CADM2: variants seen among roughly 807,000 people sequenced by gnomAD.
The protein encoded by CADM2 is cell adhesion molecule 2, also known as immunoglobulin superfamily member 4D.
CADM2 carries 12 observed loss-of-function variants against 49.8 expected under a neutral mutation model. That is an observed-to-expected ratio of 0.24 (90% CI 0.15 to 0.39). The LOEUF (loss-of-function observed/expected upper bound fraction) is 0.39, where lower values mean the gene tolerates loss of function less well. Ranked by LOEUF, CADM2 falls within the 10% of genes least tolerant of loss-of-function variation. The probability of loss-of-function intolerance (pLI) is 1.00; values close to 1 mark genes in which losing one functional copy is unlikely to be tolerated. For missense variants in CADM2, 378 were observed against 492.3 expected, an observed-to-expected ratio of 0.77 and a Z score of 2.20; for synonymous variants, 214 against 175.4, an observed-to-expected ratio of 1.22 and a Z score of -1.74.
chr3:85,929,792 G>A (rs1002237462), intron 6 of CADM2, among the ~76,000 whole-genome samples: 7 of 151,964 alleles, frequency 4.6e-5, no homozygotes, highest in South Asian at 2.1e-4. Flanking sequence ...AGTTCTAAAC[G>A]CATTTACAAG....
rs537841657 is a variant in CADM2, at chr3:85,000,760, C to CGTGTGCATGTGTATATGT, written c.61+41109_61+41126dup. On this transcript the variant is annotated intron_variant, in intron 1 of 9. Transcript: ENST00000383699. ...ACATACATTTTTGTATGTATGTGTT[C>CGTGTGCATGTGTATATGT]GTGTGCATGTGTATATGTGTGTGCA... 6.2e-3 allele frequency among the ~76,000 whole-genome samples: 932 copies of CGTGTGCATGTGTATATGT among 151,266 alleles called. 13 individuals are homozygous for CGTGTGCATGTGTATATGT. The highest frequency in any genetic ancestry group is 0.022 in the African/African-American group (891 of 41,152).
rs965941180 is a variant in CADM2, at chr3:85,316,104, CAA to C, written c.61+356437_61+356438del. Among the ~76,000 whole-genome samples, 11 of 152,036 alleles carry C rather than the reference CAA, an allele frequency of 7.2e-5. No individual in the cohort carries two copies. The East Asian group carries it at 9.6e-4, about 13-fold the overall frequency. Reference sequence around the variant, plus strand: ...ATTTTAAAGTTCATTTGAAATAAAACAAGAGCAAAATAACATGAATCATATTT... The same window carrying C: ...ATTTTAAAGTTCATTTGAAATAAAACGAGCAAAATAACATGAATCATATTT... On this transcript the variant is annotated intron_variant, in intron 1 of 9. Transcript: ENST00000383699.
chr3:85,741,963 T>C (rs1185109051), intron 2 of CADM2, among the ~76,000 whole-genome samples: 1 of 152,188 alleles, frequency 6.6e-6, no homozygotes, highest in Non-Finnish European at 1.5e-5. Flanking sequence ...TTTACTTCTT[T>C]AGAACTTCTA....
In CADM2 at chr3:85,377,394, C is replaced by T. The variant is rs560143584; in HGVS notation, c.62-349128C>T. 2.1e-4 allele frequency among the ~76,000 whole-genome samples: 32 copies of T among 152,098 alleles called. 1 individual carries two copies. The highest frequency in any genetic ancestry group is 2.0e-3 in the Admixed American group (31 of 15,234). ...TGGCTTTTATCTTTCACCTTGCCAA[C>T]GGAAGTTGATGAGCTTTCTGATTTA... On this transcript the variant is annotated intron_variant, in intron 1 of 9. Coordinates refer to ENST00000383699, the MANE Select transcript of CADM2 (RefSeq NM_001167675.2).
At chr3:85,880,566 G>T (rs1712602110) in intron 3 of CADM2, among the ~76,000 whole-genome samples, 1 of 152,080 alleles carries the variant, frequency 6.6e-6, no homozygotes, top group Non-Finnish European at 1.5e-5. Flanking sequence ...AGTTTTACTG[G>T]TTAAGAAATC....
intron 1 of CADM2, among the ~76,000 whole-genome samples, chr3:85,556,339 T>A (rs940801798): frequency 2.0e-5 from 3 of 152,068 alleles, no homozygotes; most frequent in Non-Finnish European, 4.4e-5. Context: ...GAAGAGGAGG[T>A]AGTCTTGCTG....
intron 8 of CADM2, among the ~76,000 whole-genome samples, chr3:86,047,672 A>T (rs1475812606): frequency 6.6e-6 from 1 of 152,220 alleles, no homozygotes; most frequent in East Asian, 1.9e-4. Context: ...TTTTTCATTC[A>T]TGCTGCTCCA....
rs377312545 is a variant in CADM2 at position 85,580,490 on chromosome 3, G to C, written c.62-146032G>C. On this transcript the variant is annotated intron_variant, in intron 1 of 9. Coordinates refer to ENST00000383699, the MANE Select transcript of CADM2 (RefSeq NM_001167675.2). ...AGAACTAACCCAACGGTATTGGAATGAAAGGGTGATGCGGGTGGTAAAGGT... is the reference window on the plus strand; with the variant it reads ...AGAACTAACCCAACGGTATTGGAATCAAAGGGTGATGCGGGTGGTAAAGGT... Among the ~76,000 whole-genome samples the C allele has an allele frequency of 4.6e-5, 7 of 152,138 alleles. No homozygotes were observed. The East Asian group carries it at 1.4e-3, about 29-fold the overall frequency.
Position 86,068,382 on chromosome 3 carries a change from G to T in CADM2, c.*1599G>T, listed in dbSNP as rs1343918629. 6.6e-6 allele frequency: 1 copy of T among 151,848 alleles called. No homozygotes were observed. The highest frequency in any genetic ancestry group is 1.5e-5 in the Non-Finnish European group (1 of 67,838). The allele number at this position is 151,848 out of a possible 1,614,324, so 9.4% of individuals were successfully genotyped here. A position where few individuals can be genotyped will look rare whatever the true frequency, so the allele number is the denominator to read the frequency against. ...ATGCTAAAGAATAAAACTCCAGTTA[G>T]ATTTAAAAAAATCCCATTTACAAGC... On this transcript the variant is annotated 3_prime_UTR_variant, in exon 10 of 10. Coordinates refer to ENST00000383699, the MANE Select transcript of CADM2 (RefSeq NM_001167675.2).
chr3:85,545,228 T>A (rs1384732685), intron 1 of CADM2, among the ~76,000 whole-genome samples: 16 of 152,188 alleles, frequency 1.1e-4, no homozygotes, highest in Admixed American at 1.0e-3. Flanking sequence ...CAGGAAACAT[T>A]AATTAAACAA....
intron 5 of CADM2, among the ~76,000 whole-genome samples, chr3:85,898,043 A>C (rs1381673284): frequency 6.6e-6 from 1 of 152,184 alleles, no homozygotes; most frequent in Non-Finnish European, 1.5e-5. Context: ...GAGAAAAAAA[A>C]ATTAATAGCA....
intron 1 of CADM2, among the ~76,000 whole-genome samples, chr3:84,996,367 A>G (rs1172485939): frequency 1.3e-5 from 2 of 152,128 alleles, no homozygotes; most frequent in Non-Finnish European, 2.9e-5. Flanking sequence ...CTCATAATCT[A>G]TGCTTCATTC....
intron 3 of CADM2, among the ~76,000 whole-genome samples, chr3:85,850,284 A>AACT (rs1473513860): frequency 6.7e-6 from 1 of 150,094 alleles, no homozygotes; most frequent in East Asian, 2.0e-4. Flanking sequence ...GTGGCTACCT[A>AACT]ACTGCTCTCT....
intron 1 of CADM2, among the ~76,000 whole-genome samples, chr3:85,298,184 A>G (rs947749524): frequency 6.6e-6 from 1 of 152,084 alleles, no homozygotes. Flanking sequence ...GCAGGTTGAC[A>G]TTGCTGAGTG....
intron 1 of CADM2, among the ~76,000 whole-genome samples, chr3:85,158,983 G>T (rs1458973118): frequency 6.6e-6 from 1 of 152,160 alleles, no homozygotes; most frequent in East Asian, 1.9e-4. Flanking sequence ...GTGTGTGAAT[G>T]CTGAGAAAGT....
chr3:85,990,000 G>A (rs1325638938), intron 8 of CADM2, among the ~76,000 whole-genome samples: 1 of 36,354 alleles, frequency 2.8e-5, no homozygotes, highest in Admixed American at 5.0e-4. Flanking sequence ...CGACAAGAGA[G>A]AAACTCCATG....
chr3:85,958,837 G>A (rs898601817), intron 7 of CADM2, among the ~76,000 whole-genome samples: 5 of 151,830 alleles, frequency 3.3e-5, no homozygotes, highest in African/African-American at 1.2e-4. Context: ...TCATAAGTGG[G>A]AGTTGAACAA....
chr3:85,065,195 T>C (rs2107456890), intron 1 of CADM2, among the ~76,000 whole-genome samples: 1 of 152,228 alleles, frequency 6.6e-6, no homozygotes, highest in East Asian at 1.9e-4. Context: ...ATATTTCTGT[T>C]TGAATATTTT....
At chr3:85,021,706 C>T (rs755327006) in intron 1 of CADM2, among the ~76,000 whole-genome samples, 2 of 151,956 alleles carry the variant, frequency 1.3e-5, no homozygotes, top group African/African-American at 4.8e-5. Context: ...ACCCAGGAAG[C>T]GGAGGTTGCA....
Sources: allele counts gnomAD v4.1 joint callset (sites outside exome capture counted in the v4.1 genomes callset), GRCh38; gene constraint gnomAD v4.1.1; transcripts MANE v1.5; gene names NCBI Gene and HGNC (gene_info 2026-07-23, HGNC 2026-07-21).